Variants in CNNM1 observed in about 807,000 individuals in gnomAD.
The protein encoded by CNNM1 is cyclin and CBS domain divalent metal cation transport mediator 1, also known as metal transporter CNNM1.
A neutral mutation model predicts 78.8 loss-of-function variants in CNNM1; 44 were observed. The observed-to-expected ratio is 0.56, with a 90% CI of 0.44 to 0.72. The LOEUF is 0.72. Ranked by LOEUF, CNNM1 falls within the 30% of genes least tolerant of loss-of-function variation. The pLI, the probability that CNNM1 is intolerant of heterozygous loss-of-function variation, is 0.00. For synonymous variants in CNNM1, 584 were observed against 581.5 expected (o/e 1.00, Z -0.06); for missense variants, 1,101 against 1,292.2 (o/e 0.85, Z 2.27).
intron 1 of CNNM1, among the ~76,000 whole-genome samples, chr10:99,336,962 C>G (rs1589884117): frequency 6.6e-6 from 1 of 152,116 alleles, no homozygotes; most frequent in African/African-American, 2.4e-5. Flanking sequence ...ATAAGACTTA[C>G]TAGAATGCCT....
In CNNM1 at chr10:99,388,183, C is replaced by A; in HGVS notation, c.2556C>A (p.Ser852Arg). 4 of 1,613,940 alleles carry A rather than the reference C, an allele frequency of 2.5e-6. No individual in the cohort carries two copies. Among genetic ancestry groups the A allele is most frequent in the African/African-American group, 1.3e-5 (1 of 75,064 alleles). ...CSRSDGLRSP[S>R]EVVYLRMEEL... ...GCTCAGACGGGCTGAGAAGCCCCAG[C>A]GAGGTAGTGTACCTGAGGATGGAGG... The change falls in exon 9 of 11, where the codon AGC becomes AGA. Residue 852 changes from serine (S) to arginine (R), a missense_variant. By Grantham distance (110) the Ser-to-Arg change is moderately radical. Around this residue, in one of 3 missense-constraint regions of CNNM1, gnomAD observed 348 missense variants for 384.5 expected, o/e 0.90. Transcript: ENST00000356713.
chr10:99,391,585 C>A lies in CNNM1; in HGVS notation c.*69C>A. The A allele has an allele frequency of 7.5e-7, 1 of 1,339,812 alleles. No homozygotes were observed. The highest frequency in any genetic ancestry group is 1.1e-6 in the Non-Finnish European group (1 of 942,550). The allele number at this position is 1,339,812 out of a possible 1,614,324, so 83.0% of individuals were successfully genotyped here. On this transcript the variant is annotated 3_prime_UTR_variant, in exon 11 of 11. Transcript: ENST00000356713. ...TTTGGGGGAGAATCCACCCTCCCAT[C>A]ATCTGCTTCCCCCAAGGCCTCCCAC...
intron 2 of CNNM1, 37 bp downstream of exon 2, chr10:99,357,692 T>A (rs2031271454): frequency 1.3e-6 from 2 of 1,532,738 alleles, no homozygotes; most frequent in Non-Finnish European, 8.8e-7. Flanking sequence ...CAGGGTCATC[T>A]TATTTTCCTC....
Position 99,377,224 on chromosome 10 carries a change from T to A in CNNM1, c.2340+6T>A. 6.2e-7 allele frequency: 1 copy of A among 1,612,738 alleles called. No homozygotes were observed. The highest frequency in any genetic ancestry group is 8.5e-7 in the Non-Finnish European group (1 of 1,179,206). On this transcript the variant is annotated splice_donor_region_variant and intron_variant, in intron 7 of 10. Transcript: ENST00000356713. ...GCGATGTGCAGTTTGTGAAGGTAAC[T>A]CCCCCAGGAAGGTTATCCTCTCCCT...
intron 3 of CNNM1, among the ~76,000 whole-genome samples, chr10:99,361,275 G>A (rs1437632662): frequency 1.3e-5 from 2 of 152,178 alleles, no homozygotes; most frequent in African/African-American, 4.8e-5. Context: ...GCTGAAGCCC[G>A]AGGCCATCTC....
intron 7 of CNNM1, among the ~76,000 whole-genome samples, chr10:99,377,486 C>T (rs1197122264): frequency 6.6e-6 from 1 of 152,164 alleles, no homozygotes; most frequent in Non-Finnish European, 1.5e-5. Context: ...GATTAGCTTG[C>T]CTGACACAAA....
intron 7 of CNNM1, among the ~76,000 whole-genome samples, chr10:99,384,578 G>A (rs2032252629): frequency 6.6e-6 from 1 of 151,810 alleles, no homozygotes; most frequent in African/African-American, 2.4e-5. Context: ...GACAAGTGGT[G>A]GCTTAACATC....
chr10:99,380,516 T>C (rs1222285962), intron 7 of CNNM1, among the ~76,000 whole-genome samples: 1 of 151,982 alleles, frequency 6.6e-6, no homozygotes, highest in African/African-American at 2.4e-5. Flanking sequence ...ATGGGCTGGG[T>C]GCGGTGGCTC....
chr10:99,358,560 A>G (rs2031307262), intron 2 of CNNM1, among the ~76,000 whole-genome samples: 1 of 152,202 alleles, frequency 6.6e-6, no homozygotes, highest in Middle Eastern at 3.2e-3. Flanking sequence ...CTTTGATACC[A>G]TAAGGCAGTG....
intron 1 of CNNM1, among the ~76,000 whole-genome samples, chr10:99,348,198 C>T (rs565825555): frequency 2.6e-5 from 4 of 151,638 alleles, no homozygotes; most frequent in Admixed American, 6.6e-5. Context: ...ATGCACCACC[C>T]CACCTGGCTA....
chr10:99,364,388 A>T (rs1265269054), intron 4 of CNNM1, 29 bp from the exon 5 acceptor site: 2 of 1,541,430 alleles, frequency 1.3e-6, no homozygotes, highest in Admixed American at 3.6e-5. Flanking sequence ...ATACACATTC[A>T]TAGTACACTT....
chr10:99,357,786 T>C (rs2031274425), intron 2 of CNNM1, 131 bp downstream of exon 2: 1 of 760,696 alleles, frequency 1.3e-6, no homozygotes, highest in South Asian at 4.0e-5. Context: ...CAGCCACCTA[T>C]GCCAGGTGCT....
intron 7 of CNNM1, among the ~76,000 whole-genome samples, chr10:99,384,932 C>T (rs141913623): frequency 4.2e-4 from 64 of 151,792 alleles, no homozygotes; most frequent in Admixed American, 1.8e-3. Context: ...AGCTGGGCGT[C>T]GTGGTGTGCA....
intron 6 of CNNM1, among the ~76,000 whole-genome samples, chr10:99,367,734 G>T (rs995044345): frequency 1.3e-5 from 2 of 152,180 alleles, no homozygotes; most frequent in African/African-American, 4.8e-5. Context: ...TGCAGAAGCA[G>T]TCTATTTCCA....
Position 99,388,179 on chromosome 10 carries a change from C to G in CNNM1, c.2552C>G (p.Pro851Arg). 2.5e-6 allele frequency: 4 copies of G among 1,613,926 alleles called. No individual in the cohort carries two copies. Among genetic ancestry groups the G allele is most frequent in the Non-Finnish European group, 3.4e-6 (4 of 1,179,892 alleles). Residue 851 changes from proline (P) to arginine (R), a missense_variant, in exon 9 of 11, where the codon CCC (proline) becomes CGC (arginine). Coordinates refer to ENST00000356713, the MANE Select transcript of CNNM1 (RefSeq NM_020348.3). ...PCSRSDGLRS[P>R]SEVVYLRMEE... ...AGCCGCTCAGACGGGCTGAGAAGCC[C>G]CAGCGAGGTAGTGTACCTGAGGATG...
intron 1 of CNNM1, among the ~76,000 whole-genome samples, chr10:99,352,530 G>T (rs1176995414): frequency 6.6e-6 from 1 of 152,126 alleles, no homozygotes; most frequent in East Asian, 1.9e-4. Flanking sequence ...ACCAACATTT[G>T]TTATTATCTG....
intron 1 of CNNM1, among the ~76,000 whole-genome samples, chr10:99,340,095 A>G (rs1270142517): frequency 6.6e-6 from 1 of 152,266 alleles, no homozygotes; most frequent in Non-Finnish European, 1.5e-5. Context: ...AGTCCATTGT[A>G]TATAGAGAGA....
intron 7 of CNNM1, among the ~76,000 whole-genome samples, chr10:99,381,444 T>C (rs868790993): frequency 3.3e-4 from 49 of 146,362 alleles, no homozygotes; most frequent in African/African-American, 1.2e-3. Flanking sequence ...AAGAGTGTTA[T>C]TCAAAAACCT....
chr10:99,352,372 G>A (rs1307979560), intron 1 of CNNM1, among the ~76,000 whole-genome samples: 1 of 152,172 alleles, frequency 6.6e-6, no homozygotes, highest in Non-Finnish European at 1.5e-5. Context: ...ACATGTACAA[G>A]TTTTTGTGTG....
Sources: allele counts gnomAD v4.1 joint callset (sites outside exome capture counted in the v4.1 genomes callset), GRCh38; gene constraint gnomAD v4.1.1; regional missense constraint gnomAD v4.1.1; transcripts MANE v1.5; gene names NCBI Gene and HGNC (gene_info 2026-07-23, HGNC 2026-07-21).